SETD5: variants seen among roughly 807,000 people sequenced by gnomAD.
SETD5 encodes the protein SET domain containing 5, also known as histone-lysine N-methyltransferase SETD5.
In SETD5, 44 loss-of-function variants were observed where a neutral mutation model predicts 153.3. The ratio of observed to expected loss-of-function variants is 0.29; its 90% CI spans 0.23 to 0.37. The LOEUF is 0.37. Ranked by LOEUF, SETD5 falls within the 10% of genes least tolerant of loss-of-function variation. The pLI, the probability that SETD5 is intolerant of heterozygous loss-of-function variation, is 1.00. For synonymous variants in SETD5, 716 were observed against 645.2 expected (o/e 1.11, Z -1.66); for missense variants, 1,544 against 1,768.0 (o/e 0.87, Z 2.27).
At chr3:9,443,457 T>C (rs925925742) in intron 11 of SETD5, 40 bp downstream of exon 11, 2 of 1,113,788 alleles carry the variant, frequency 1.8e-6, no homozygotes, top group Non-Finnish European at 2.4e-6. Context: ...AATATCCATG[T>C]CTTACATATT....
intron 18 of SETD5, among the ~76,000 whole-genome samples, chr3:9,467,210 A>C (rs1016897177): frequency 1.3e-5 from 2 of 151,090 alleles, no homozygotes; most frequent in Non-Finnish European, 3.0e-5. Context: ...AAAAAAAAAA[A>C]AAAAAAAAAA....
In SETD5 at chr3:9,440,458, T is replaced by G. The variant is rs1178958861; in HGVS notation, c.570T>G (p.Asn190Lys). 6.6e-7 allele frequency: 1 copy of G among 1,516,444 alleles called. No homozygotes were observed. Among genetic ancestry groups the G allele is most frequent in the South Asian group, 1.1e-5 (1 of 89,106 alleles). The allele number at this position is 1,516,444 out of a possible 1,614,324, so 93.9% of individuals were successfully genotyped here. ...CTCCCTGAATTTGTTTTCTACAGAA[T>G]TCTCCCTCTGAAGCACAGAATTTAG... ...RAAPKTKKIK[N>K]SPSEAQNLDE... Residue 190 changes from asparagine to lysine, a missense_variant and splice_region_variant, in exon 8 of 23, where the codon AAT (asparagine) becomes AAG (lysine). Coordinates refer to ENST00000402198, the MANE Select transcript of SETD5 (RefSeq NM_001080517.3).
At chr3:9,426,513 C>T (rs1457189251) in intron 2 of SETD5, among the ~76,000 whole-genome samples, 2 of 151,824 alleles carry the variant, frequency 1.3e-5, no homozygotes, top group African/African-American at 4.8e-5. Context: ...TCTCCTGCCT[C>T]AGCCTCCTGA....
rs2045223457 is a variant in SETD5 at position 9,470,902 on chromosome 3, C to A, written c.3168C>A (p.Ala1056=). ...GERACEGVPS[A]PQNPPQRKKV... ...GGGCCTGTGAAGGAGTCCCATCTGC[C>A]CCCCAGAACCCACCACAGAGGAAAA... is the stretch of plus-strand genomic sequence containing the variant. The change falls in exon 19 of 23, where the codon GCC becomes GCA. Residue 1056 remains alanine (A), a synonymous_variant. Transcript: ENST00000402198. The A allele has an allele frequency of 6.3e-7, 1 of 1,596,666 alleles. No homozygotes were observed. The highest frequency in any genetic ancestry group is 2.2e-5 in the East Asian group (1 of 44,558).
intron 3 of SETD5, chr3:9,431,174 T>G: frequency 1.0e-6 from 1 of 985,438 alleles, no homozygotes; most frequent in South Asian, 4.7e-5. Flanking sequence ...TTGTGTGTGT[T>G]TGTAGGAAAA....
chr3:9,401,383 T>C (rs1353833952), intron 1 of SETD5, among the ~76,000 whole-genome samples: 1 of 152,234 alleles, frequency 6.6e-6, no homozygotes. Flanking sequence ...GTTTGGAACC[T>C]TTTGTGCTCT....
At chr3:9,433,726 C>T in intron 3 of SETD5, 119 bp from the exon 4 acceptor site, 1 of 1,073,944 alleles carries the variant, frequency 9.3e-7, no homozygotes, top group Non-Finnish European at 1.4e-6. Flanking sequence ...CGAGTTCTTT[C>T]TCTTATCCTA....
At chr3:9,417,298 A>G (rs1180858929) in intron 1 of SETD5, among the ~76,000 whole-genome samples, 1 of 152,154 alleles carries the variant, frequency 6.6e-6, no homozygotes, top group Non-Finnish European at 1.5e-5. Flanking sequence ...TCAAAGGAGA[A>G]TAGCTCTTCA....
At chr3:9,446,894 T>G (rs1219705668) in intron 13 of SETD5, among the ~76,000 whole-genome samples, 156 bp from the exon 14 acceptor site, 1 of 152,216 alleles carries the variant, frequency 6.6e-6, no homozygotes, top group Non-Finnish European at 1.5e-5. Context: ...TAAAATGAAA[T>G]ATTTTATTTT....
At chr3:9,463,244 A>C (rs1211727266) in intron 17 of SETD5, among the ~76,000 whole-genome samples, 1 of 152,170 alleles carries the variant, frequency 6.6e-6, no homozygotes, top group Non-Finnish European at 1.5e-5. Flanking sequence ...GCTGGTCTCA[A>C]ACTCCTGGCT....
chr3:9,401,688 G>A (rs1319671355), intron 1 of SETD5, among the ~76,000 whole-genome samples: 1 of 152,094 alleles, frequency 6.6e-6, no homozygotes, highest in Non-Finnish European at 1.5e-5. Flanking sequence ...ATGACTATTG[G>A]ATACATTTTA....
chr3:9,463,375 C>G (rs2044205184), intron 17 of SETD5, among the ~76,000 whole-genome samples: 1 of 152,120 alleles, frequency 6.6e-6, no homozygotes, highest in Non-Finnish European at 1.5e-5. Flanking sequence ...TGTATGATGA[C>G]CATTTTTCCC....
chr3:9,419,261 A>G (rs1211861769), intron 1 of SETD5, among the ~76,000 whole-genome samples: 2 of 152,248 alleles, frequency 1.3e-5, no homozygotes, highest in Non-Finnish European at 2.9e-5. Flanking sequence ...AGCACTTAAC[A>G]TAGTAATATA....
In SETD5 at chr3:9,435,925, T is replaced by C. The variant is rs773128447; in HGVS notation, c.567+19T>C. On this transcript the variant is annotated intron_variant, in intron 7 of 22. Transcript: ENST00000402198. ...AATCAAGGTATGCAGGGTAAAAATA[T>C]CTTAAATAGAAATTGTCTGAAATAG... 8 of 1,544,962 alleles carry C rather than the reference T, an allele frequency of 5.2e-6. No individual in the cohort carries two copies. Among genetic ancestry groups the C allele is most frequent in the Middle Eastern group, 1.7e-4 (1 of 5,884 alleles).
Position 9,476,187 on chromosome 3 carries a change from G to C in SETD5, c.*96G>C. 1 of 1,456,890 alleles carries C rather than the reference G, an allele frequency of 6.9e-7. No homozygotes were observed. The highest frequency in any genetic ancestry group is 9.1e-7 in the Non-Finnish European group (1 of 1,095,162). 90.2% of individuals were successfully genotyped at this position (1,456,890 alleles called of 1,614,324 possible). A position where few individuals can be genotyped will look rare whatever the true frequency, so the allele number is the denominator to read the frequency against. ...AGGCCGAGCATATTGCTGAGGAACG[G>C]GGGGTACAAGGTGCCAGAGGATTGG... On this transcript the variant is annotated 3_prime_UTR_variant, in exon 23 of 23. Transcript: ENST00000402198.
At chr3:9,429,083 G>A in intron 3 of SETD5, 74 bp downstream of exon 3, 1 of 991,900 alleles carries the variant, frequency 1.0e-6, no homozygotes, top group Non-Finnish European at 1.6e-6. Flanking sequence ...ATAGCTAATA[G>A]GATAATATGT....
intron 7 of SETD5, among the ~76,000 whole-genome samples, chr3:9,439,813 T>C (rs1038167378): frequency 6.6e-6 from 1 of 152,230 alleles, no homozygotes; most frequent in Non-Finnish European, 1.5e-5. Flanking sequence ...TTATTTAGAA[T>C]GTGGTAATTT....
intron 21 of SETD5, 156 bp from the exon 22 acceptor site, chr3:9,474,912 C>T (rs1309551169): frequency 1.5e-6 from 1 of 659,300 alleles, no homozygotes; most frequent in Non-Finnish European, 2.6e-6. Context: ...TAATTAACCA[C>T]TCATTTTGCC....
Position 9,434,759 on chromosome 3 carries a change from C to A in SETD5, c.330-65C>A. On this transcript the variant is annotated intron_variant, in intron 5 of 22. Transcript: ENST00000402198. This position sits in a 1 kb window ranked among gnomAD's most constrained non-coding sequence, Gnocchi z 5.6. ...GTAGCATATGCAGAGACACTTCGCC[C>A]ATGTGTGCTATGATGTGATGCATGC... The A allele has an allele frequency of 6.5e-7, 1 of 1,548,412 alleles. No homozygotes were observed. The highest frequency in any genetic ancestry group is 2.3e-5 in the East Asian group (1 of 43,236).
Sources: allele counts gnomAD v4.1 joint callset (sites outside exome capture counted in the v4.1 genomes callset), GRCh38; gene constraint gnomAD v4.1.1; non-coding constraint Gnocchi (gnomAD v3.1); transcripts MANE v1.5; gene names NCBI Gene and HGNC (gene_info 2026-07-23, HGNC 2026-07-21).